Variants in LRRCC1 observed in about 807,000 individuals in gnomAD.
LRRCC1 encodes the protein leucine rich repeat and coiled-coil centrosomal protein 1.
A neutral mutation model predicts 126.0 loss-of-function variants in LRRCC1; 115 were observed. The ratio of observed to expected loss-of-function variants is 0.91; its 90% CI spans 0.78 to 1.07. The LOEUF (loss-of-function observed/expected upper bound fraction) is 1.07, where lower values mean the gene tolerates loss of function less well. Ranked by LOEUF, LRRCC1 falls within the 50% of genes least tolerant of loss-of-function variation. The pLI, the probability that LRRCC1 is intolerant of heterozygous loss-of-function variation, is 0.00. For synonymous variants in LRRCC1, 400 were observed against 393.4 expected (o/e 1.02, Z -0.20); for missense variants, 1,172 against 1,175.7 (o/e 1.00, Z 0.05).
At chr8:85,138,795 A>T (rs1299728981) in intron 17 of LRRCC1, among the ~76,000 whole-genome samples, 1 of 152,208 alleles carries the variant, frequency 6.6e-6, no homozygotes, top group East Asian at 1.9e-4. Context: ...CTGCAATCCC[A>T]GCGCTTTGGG....
rs763705609 is a variant in LRRCC1 at position 85,145,477 on chromosome 8, C to A, written c.3065C>A (p.Ala1022Asp). Residue 1022 changes from alanine to aspartate, a missense_variant, in exon 19 of 19, where the codon GCT becomes GAT. Coordinates refer to ENST00000360375, the MANE Select transcript of LRRCC1 (RefSeq NM_033402.5). ...KTMEAKIKQL[A>D]FALNEIQQDM The stretch of plus-strand genomic sequence containing the variant: ...ATGGAAGCAAAAATTAAGCAACTTG[C>A]TTTTGCTTTAAATGAAATTCAGCAA... The A allele has an allele frequency of 6.3e-7, 1 of 1,587,090 alleles. No homozygotes were observed. Among genetic ancestry groups the A allele is most frequent in the Admixed American group, 1.8e-5 (1 of 54,400 alleles).
chr8:85,129,447 AATT>A, intron 10 of LRRCC1, 68 bp downstream of exon 10: 1 of 1,309,068 alleles, frequency 7.6e-7, no homozygotes, highest in Non-Finnish European at 1.1e-6. Context: ...TCGTGAAACA[AATT>A]ATACTACCTA....
In LRRCC1 at chr8:85,121,881, A is replaced by G. The variant is rs534184765; in HGVS notation, c.931-1532A>G. ...TTTGTATTTATCTGTATATAAATCA[A>G]CTTGTGATGCTCTTTATTTCTTCTT... On this transcript the variant is annotated intron_variant, in intron 6 of 18. Coordinates refer to ENST00000360375, the MANE Select transcript of LRRCC1 (RefSeq NM_033402.5). Among the ~76,000 whole-genome samples the G allele has an allele frequency of 3.3e-5, 5 of 152,198 alleles. No individual in the cohort carries two copies. In the South Asian group the frequency reaches 1.0e-3, roughly 32 times the overall value.
intron 4 of LRRCC1, 29 bp from the exon 5 acceptor site, chr8:85,115,071 G>A: frequency 6.6e-7 from 1 of 1,507,860 alleles, no homozygotes; most frequent in Admixed American, 2.2e-5. Flanking sequence ...TAATATTTCA[G>A]TTTTCATTTT....
At chr8:85,139,293 T>A (rs139570330) in intron 17 of LRRCC1, among the ~76,000 whole-genome samples, 1 of 152,156 alleles carries the variant, frequency 6.6e-6, no homozygotes, top group Non-Finnish European at 1.5e-5. Context: ...AGACTGAGTT[T>A]CATTCTTATT....
chr8:85,116,781 C>G (rs1809158715), intron 6 of LRRCC1, among the ~76,000 whole-genome samples: 2 of 152,120 alleles, frequency 1.3e-5, no homozygotes, highest in Non-Finnish European at 2.9e-5. Context: ...TAATCCTGAA[C>G]TATTATTTAT....
At position 85,107,393 on chromosome 8, in the gene LRRCC1, T is replaced by G. The variant is rs764427810; in HGVS notation, c.98T>G (p.Leu33Trp). The G allele has an allele frequency of 2.5e-6, 4 of 1,611,972 alleles. No individual in the cohort carries two copies. The Admixed American group carries it at 6.7e-5, about 27-fold the overall frequency. Residue 33 changes from leucine (L) to tryptophan (W), a missense_variant, in exon 1 of 19, where the codon TTG becomes TGG. Transcript: ENST00000360375. ...GATGTATGCTTCATGGACAAAGGCT[T>G]GCAGAGGTAAAGGGCGCTCCGCAGC... ...CGDVCFMDKG[L>W]QSISELSLDS...
Position 85,110,187 on chromosome 8 carries a change from A to G in LRRCC1, c.376+7A>G. The G allele has an allele frequency of 1.6e-6, 2 of 1,219,990 alleles. No homozygotes were observed. The highest frequency in any genetic ancestry group is 2.3e-6 in the Non-Finnish European group (2 of 880,576). 75.6% of individuals were successfully genotyped at this position (1,219,990 alleles called of 1,614,324 possible). A position where few individuals can be genotyped will look rare whatever the true frequency, so the allele number is the denominator to read the frequency against. On this transcript the variant is annotated splice_region_variant and intron_variant, in intron 3 of 18. Transcript: ENST00000360375. ...CACATAGATGATCTTAGTGGTAAGT[A>G]GAAATGCTTATGTTTTCTGTATGCT...
chr8:85,135,612 G>T (rs187554393), intron 13 of LRRCC1, among the ~76,000 whole-genome samples, 177 bp from the exon 14 acceptor site: 6 of 151,832 alleles, frequency 4.0e-5, no homozygotes, highest in African/African-American at 1.5e-4. Flanking sequence ...TCTTAAATTC[G>T]ACTGTTTATT....
At chr8:85,135,393 ATATACT>A (rs1810778617) in intron 13 of LRRCC1, among the ~76,000 whole-genome samples, 1 of 152,148 alleles carries the variant, frequency 6.6e-6, no homozygotes, top group Non-Finnish European at 1.5e-5. Context: ...GTGGTTTTAG[ATATACT>A]TAGATGTAAT....
In LRRCC1 at chr8:85,115,327, A is replaced by G. The variant is rs756038721; in HGVS notation, c.721-48A>G. ...ATATAAAAAATACCTTCAAATTTCA[A>G]TAAGTGAATATAAATTAAAAGGATT... On this transcript the variant is annotated intron_variant, in intron 5 of 18. Transcript: ENST00000360375. 2.8e-5 allele frequency: 44 copies of G among 1,568,576 alleles called. 1 individual carries two copies. In the Admixed American group the frequency reaches 5.7e-4, roughly 20 times the overall value.
In LRRCC1 at chr8:85,129,281, G is replaced by A; in HGVS notation, c.1528G>A (p.Ala510Thr). The A allele has an allele frequency of 6.2e-7, 1 of 1,613,438 alleles. No individual in the cohort carries two copies. Among genetic ancestry groups the A allele is most frequent in the Non-Finnish European group, 8.5e-7 (1 of 1,179,582 alleles). ...AAAACTGACTGTTGAACTAATGAAA[G>A]CAAAAGATCAACAAGAGGATCACCT... ...IKKLTVELMK[A>T]KDQQEDHLKH... is the part of the protein sequence containing the mutation. The change falls in exon 10 of 19, where the codon GCA (alanine) becomes ACA (threonine). Residue 510 changes from alanine (A) to threonine (T), a missense_variant. Physicochemically the swap from Ala to Thr is moderately conservative, Grantham distance 58. Transcript: ENST00000360375.
chr8:85,107,438 C>A (rs1231870535), intron 1 of LRRCC1, 39 bp downstream of exon 1: 3 of 1,530,628 alleles, frequency 2.0e-6, no homozygotes, highest in African/African-American at 2.8e-5. Flanking sequence ...CCCGCGCACT[C>A]CCCAGAGCCG....
intron 7 of LRRCC1, among the ~76,000 whole-genome samples, chr8:85,124,149 T>G (rs913957527): frequency 1.3e-5 from 2 of 152,168 alleles, no homozygotes; most frequent in Non-Finnish European, 2.9e-5. Context: ...ATCTGTACTT[T>G]CATAATTGGG....
At chr8:85,129,438 C>T (rs1810274578) in intron 10 of LRRCC1, 59 bp downstream of exon 10, 10 of 1,384,826 alleles carry the variant, frequency 7.2e-6, no homozygotes, top group Non-Finnish European at 7.0e-6. Flanking sequence ...TAGCTTCTAT[C>T]GTGAAACAAA....
chr8:85,113,234 C>T (rs1028168809), intron 4 of LRRCC1, 135 bp downstream of exon 4: 12 of 646,882 alleles, frequency 1.9e-5, no homozygotes, highest in African/African-American at 1.8e-4. Flanking sequence ...AACATGGTTA[C>T]AAATAAAATT....
Position 85,137,589 on chromosome 8 carries a change from A to G in LRRCC1, c.2455A>G (p.Ile819Val), listed in dbSNP as rs1190573940. Reference protein sequence around the residue: ...SDALRIKCKIIDDQTETIRKL... With the variant: ...SDALRIKCKIVDDQTETIRKL... ...TGCATTAAGAATAAAGTGCAAAATC[A>G]TAGACGACCAAACTGAAACTATTAG... The change falls in exon 15 of 19, where the codon ATA becomes GTA. Residue 819 changes from isoleucine (I) to valine (V), a missense_variant. Transcript: ENST00000360375. 3.4e-6 allele frequency: 5 copies of G among 1,491,518 alleles called. No homozygotes were observed. The highest frequency in any genetic ancestry group is 3.6e-6 in the Non-Finnish European group (4 of 1,124,718). The allele number at this position is 1,491,518 out of a possible 1,614,324, so 92.4% of individuals were successfully genotyped here.
intron 14 of LRRCC1, among the ~76,000 whole-genome samples, chr8:85,137,064 T>C (rs1185351705): frequency 3.9e-5 from 6 of 152,220 alleles, no homozygotes. Flanking sequence ...TGACCTCAAG[T>C]GATCTGCCCA....
chr8:85,140,353 G>T (rs1010663072), intron 17 of LRRCC1, among the ~76,000 whole-genome samples: 2 of 152,080 alleles, frequency 1.3e-5, no homozygotes, highest in African/African-American at 4.8e-5. Context: ...ATCCTGTAAG[G>T]TTGGCAGAAC....
Sources: gnomAD v4.1 joint callset for allele counts (sites outside exome capture counted in the v4.1 genomes callset) on GRCh38, gnomAD v4.1.1 for gene constraint, MANE v1.5 for transcripts, NCBI Gene and HGNC (gene_info 2026-07-23, HGNC 2026-07-21) for gene names.